The following WDR49 variants were observed in gnomAD, a reference collection of about 807,000 sequenced individuals.
WDR49 encodes WD repeat domain 49.
WDR49 carries 107 observed loss-of-function variants against 119.5 expected under a neutral mutation model. The observed-to-expected ratio is 0.90, with a 90% CI of 0.77 to 1.05. The LOEUF is 1.05. WDR49 is among the 50% of genes least tolerant of loss of function. The probability of loss-of-function intolerance (pLI) is 0.00; values close to 1 mark genes in which losing one functional copy is unlikely to be tolerated. For synonymous variants in WDR49, 425 were observed against 418.8 expected (o/e 1.01, Z -0.18); for missense variants, 1,240 against 1,220.5 (o/e 1.02, Z -0.24).
Position 167,531,167 on chromosome 3 carries a change from A to AT in WDR49, c.2165dup (p.Asn722LysfsTer10). On this transcript the variant is annotated frameshift_variant, in exon 13 of 19. Coordinates refer to ENST00000682715, the MANE Select transcript of WDR49 (RefSeq NM_001366157.1). LOFTEE classifies it high-confidence loss of function. The stretch of plus-strand genomic sequence containing the variant: ...TAAGAAAGCAAAGTCTCATAACAGC[A>AT]TTTTTGCCCTCAGTGTCAATCTCAA... 6.2e-7 allele frequency: 1 copy of AT among 1,612,328 alleles called. No individual in the cohort carries two copies. The highest frequency in any genetic ancestry group is 8.5e-7 in the Non-Finnish European group (1 of 1,179,482).
chr3:167,557,696 T>C (rs1713017168), intron 9 of WDR49, among the ~76,000 whole-genome samples: 1 of 147,528 alleles, frequency 6.8e-6, no homozygotes, highest in Admixed American at 6.9e-5. Context: ...GAGCTTGCAG[T>C]GAGCTGAGAT....
intron 17 of WDR49, among the ~76,000 whole-genome samples, chr3:167,504,827 T>C (rs1321672682): frequency 6.6e-6 from 1 of 152,066 alleles, no homozygotes; most frequent in South Asian, 2.1e-4. Context: ...CCCTCACGGC[T>C]TGGTGCTCTC....
intron 6 of WDR49, among the ~76,000 whole-genome samples, chr3:167,602,601 C>T (rs1715830840): frequency 6.6e-6 from 1 of 152,246 alleles, no homozygotes; most frequent in African/African-American, 2.4e-5. Context: ...CTTCCTAACC[C>T]TGATATTTCC....
chr3:167,653,159 TA>T, intron 2 of WDR49, 101 bp downstream of exon 2: 1 of 1,282,006 alleles, frequency 7.8e-7, no homozygotes. Flanking sequence ...CTATAACAAT[TA>T]AGTGTATTTT....
Position 167,543,928 on chromosome 3 carries a change from G to C in WDR49, c.1824-6928C>G, listed in dbSNP as rs1712000847. Among the ~76,000 whole-genome samples the C allele has an allele frequency of 2.0e-5, 3 of 151,724 alleles. No homozygotes were observed. In the South Asian group the frequency reaches 6.2e-4, roughly 31 times the overall value. On this transcript the variant is annotated intron_variant, in intron 10 of 18. Coordinates refer to ENST00000682715, the MANE Select transcript of WDR49 (RefSeq NM_001366157.1). ...GAAAACCCTAATGACTCCTTCAAATGCTCCTAGATCAGATAAATGAATTCA... is the reference window on the plus strand; with the variant it reads ...GAAAACCCTAATGACTCCTTCAAATCCTCCTAGATCAGATAAATGAATTCA...
Position 167,626,837 on chromosome 3 carries a change from A to G in WDR49, c.606+15T>C. On this transcript the variant is annotated intron_variant, in intron 3 of 18. Coordinates refer to ENST00000682715, the MANE Select transcript of WDR49 (RefSeq NM_001366157.1). ...TCTTTTACAAGCAGTACATTTTTTTATAAAGAGTCTGTACCTTGTTTACAT... is the reference window on the plus strand; with the variant it reads ...TCTTTTACAAGCAGTACATTTTTTTGTAAAGAGTCTGTACCTTGTTTACAT... 1 of 1,234,612 alleles carries G rather than the reference A, an allele frequency of 8.1e-7. No individual in the cohort carries two copies. Among genetic ancestry groups the G allele is most frequent in the Non-Finnish European group, 1.0e-6 (1 of 988,162 alleles). 76.5% of individuals were successfully genotyped at this position (1,234,612 alleles called of 1,614,324 possible).
At chr3:167,567,024 A>T in intron 8 of WDR49, 1 of 457,194 alleles carries the variant, frequency 2.2e-6, no homozygotes. Flanking sequence ...TCACAGAAAT[A>T]TATTGTAATT....
intron 12 of WDR49, among the ~76,000 whole-genome samples, chr3:167,532,550 T>G (rs1041140793): frequency 1.3e-5 from 2 of 152,094 alleles, no homozygotes; most frequent in African/African-American, 4.8e-5. Flanking sequence ...CCAAAGGGTA[T>G]CTAACGTTCA....
chr3:167,644,820 A>G (rs2108343677), intron 2 of WDR49, among the ~76,000 whole-genome samples: 1 of 152,274 alleles, frequency 6.6e-6, no homozygotes, highest in Admixed American at 6.5e-5. Context: ...GTTCTTCACC[A>G]TCAGTGAATG....
intron 5 of WDR49, among the ~76,000 whole-genome samples, chr3:167,612,973 A>G (rs937132015): frequency 1.3e-5 from 2 of 152,202 alleles, no homozygotes; most frequent in African/African-American, 4.8e-5. Context: ...GAGTAAGACT[A>G]TTGTTTAATA....
At chr3:167,634,754 G>A (rs534105897) in intron 2 of WDR49, among the ~76,000 whole-genome samples, 16 of 151,944 alleles carry the variant, frequency 1.1e-4, no homozygotes, top group Admixed American at 2.6e-4. Context: ...CAACATGTGA[G>A]TGTGCCAACA....
At chr3:167,571,469 G>T (rs528396815) in intron 8 of WDR49, among the ~76,000 whole-genome samples, 1 of 152,234 alleles carries the variant, frequency 6.6e-6, no homozygotes, top group South Asian at 2.1e-4. Flanking sequence ...TTACCTTGAA[G>T]AGATATAGTC....
intron 18 of WDR49, among the ~76,000 whole-genome samples, chr3:167,487,734 C>T (rs530258353): frequency 6.6e-6 from 1 of 152,066 alleles, no homozygotes; most frequent in South Asian, 2.1e-4. Flanking sequence ...ATGGACACGT[C>T]CCAAAAGAAG....
At chr3:167,545,973 C>T (rs745713779) in intron 10 of WDR49, among the ~76,000 whole-genome samples, 8 of 151,656 alleles carry the variant, frequency 5.3e-5, no homozygotes, top group Admixed American at 1.3e-4. Flanking sequence ...TTTGAAGTTC[C>T]GAAATTGCAG....
At position 167,575,199 on chromosome 3, in the gene WDR49, T is replaced by A. The variant is rs984041052; in HGVS notation, c.1509+719A>T. On this transcript the variant is annotated intron_variant, in intron 8 of 18. Transcript: ENST00000682715. ...ATCACTGCAGCAGGCTAACCTCTGATGTTGCTTGCTCCCTTCATGATACCC... is the reference window on the plus strand; with the variant it reads ...ATCACTGCAGCAGGCTAACCTCTGAAGTTGCTTGCTCCCTTCATGATACCC... The A allele has an allele frequency of 9.1e-6, 9 of 985,372 alleles. No homozygotes were observed. The African/African-American group carries it at 1.6e-4, about 17-fold the overall frequency. The allele number at this position is 985,372 out of a possible 1,614,324, so 61.0% of individuals were successfully genotyped here.
intron 9 of WDR49, among the ~76,000 whole-genome samples, 186 bp from the exon 10 acceptor site, chr3:167,554,984 A>C (rs946405124): frequency 2.6e-5 from 4 of 152,166 alleles, no homozygotes; most frequent in African/African-American, 9.7e-5. Flanking sequence ...TTCTCGGCAC[A>C]ATAACTTTTA....
intron 2 of WDR49, among the ~76,000 whole-genome samples, chr3:167,631,384 G>A (rs1334169805): frequency 6.6e-6 from 1 of 152,098 alleles, no homozygotes; most frequent in Non-Finnish European, 1.5e-5. Context: ...AAAGCAGAGT[G>A]TTGCCTTGTT....
chr3:167,498,959 T>A (rs181990420), intron 18 of WDR49, among the ~76,000 whole-genome samples: 137 of 152,306 alleles, frequency 9.0e-4, no homozygotes, highest in African/African-American at 3.2e-3. Context: ...CATGCCAAAG[T>A]GGCATATTTT....
At chr3:167,536,180 A>C (rs1213242565) in intron 11 of WDR49, among the ~76,000 whole-genome samples, 1 of 152,092 alleles carries the variant, frequency 6.6e-6, no homozygotes, top group Non-Finnish European at 1.5e-5. Context: ...GACTAGAGTT[A>C]ACAATAATGT....
Sources: gnomAD v4.1 joint callset for allele counts (sites outside exome capture counted in the v4.1 genomes callset) on GRCh38, gnomAD v4.1.1 for gene constraint, MANE v1.5 for transcripts, NCBI Gene and HGNC (gene_info 2026-07-23, HGNC 2026-07-21) for gene names.